The following OR6B1 variants were observed in gnomAD, a reference collection of about 807,000 sequenced individuals.
OR6B1 encodes olfactory receptor family 6 subfamily B member 1, also known as olfactory receptor 6B1.
A neutral mutation model predicts 15.4 loss-of-function variants in OR6B1; 15 were observed. The ratio of observed to expected loss-of-function variants is 0.97; its 90% CI spans 0.65 to 1.50. The LOEUF is 1.50. Among genes scored for constraint, OR6B1 ranks in the 40% most tolerant of loss-of-function variants. The probability of loss-of-function intolerance (pLI) is 0.00; values close to 1 mark genes in which losing one functional copy is unlikely to be tolerated. For synonymous variants in OR6B1, 139 were observed against 144.9 expected (o/e 0.96, Z 0.29); for missense variants, 384 against 385.0 (o/e 1.00, Z 0.02).
rs956299881 is a variant in OR6B1, at chr7:144,008,430, A to G, written c.*3498A>G. On this transcript the variant is annotated 3_prime_UTR_variant, in exon 2 of 2. Transcript: ENST00000641698. ...GTCTTGTGTAGTATGTTTGAGGGAC[A>G]TTGAAGAGACTGAGCAGCCAGAGCA... 6.6e-6 allele frequency: 1 copy of G among 152,292 alleles called. No homozygotes were observed. The highest frequency in any genetic ancestry group is 1.5e-5 in the Non-Finnish European group (1 of 68,126). The allele number at this position is 152,292 out of a possible 1,614,324, so 9.4% of individuals were successfully genotyped here.
chr7:144,002,737 G>A (rs1043084672), intron 1 of OR6B1, among the ~76,000 whole-genome samples: 1 of 152,042 alleles, frequency 6.6e-6, no homozygotes, highest in African/African-American at 2.4e-5. Context: ...GTTTCCGACT[G>A]CTTTTAGACC....
chr7:144,002,371 A>G (rs1000460420), intron 1 of OR6B1, among the ~76,000 whole-genome samples: 2 of 152,250 alleles, frequency 1.3e-5, no homozygotes, highest in African/African-American at 2.4e-5. Flanking sequence ...TAAGACAGTT[A>G]GTAAAGATAG....
In OR6B1 at chr7:144,004,868, GA is replaced by G; in HGVS notation, c.875del (p.Asn292ThrfsTer8). ...CTCAACCCTTTCATTTATTGCCTAA[GA>G]AACCGAGAGGTCAAGGAAGCTCTGA... ...PSLNPFIYCL[R>X]NREVKEALKK... is the part of the protein sequence containing the mutation. On this transcript the variant is annotated frameshift_variant, in exon 2 of 2. Transcript: ENST00000641698. LOFTEE classifies it high-confidence loss of function. 6.2e-7 allele frequency: 1 copy of G among 1,612,304 alleles called. No homozygotes were observed. Among genetic ancestry groups the G allele is most frequent in the African/African-American group, 1.3e-5 (1 of 75,032 alleles).
At chr7:144,003,115 G>T (rs16882606) in intron 1 of OR6B1, among the ~76,000 whole-genome samples, 6,738 of 152,200 alleles carry the variant, frequency 0.044, 479 homozygotes, top group African/African-American at 0.15. Context: ...CCCTGAATGA[G>T]CCCATGTTTA....
chr7:144,004,815 C>T lies in OR6B1; in HGVS notation c.819C>T (p.Ser273=). The T allele has an allele frequency of 3.7e-6, 6 of 1,613,854 alleles. No homozygotes were observed. Among genetic ancestry groups the T allele is most frequent in the Non-Finnish European group, 5.1e-6 (6 of 1,179,912 alleles). Residue 273 remains serine, a synonymous_variant, in exon 2 of 2, where the codon TCC becomes TCT. Transcript: ENST00000641698. The stretch of plus-strand genomic sequence containing the variant: ...CCTTCAACATGAACAAAATTATTTC[C>T]ATCTTCTATGCCATTGTCACTCCTT... ...IHAFNMNKII[S]IFYAIVTPSL... is the part of the protein sequence containing the mutation.
At position 144,004,972 on chromosome 7, in the gene OR6B1, C is replaced by A; in HGVS notation, c.*40C>A. On this transcript the variant is annotated 3_prime_UTR_variant, in exon 2 of 2. Transcript: ENST00000641698. ...TTAGAAAGAAAGGTCTGAGTGGGTG[C>A]CTGTATGTCTTCCTCCATCCTTTCT... The A allele has an allele frequency of 7.1e-7, 1 of 1,412,106 alleles. No homozygotes were observed. The highest frequency in any genetic ancestry group is 9.6e-7 in the Non-Finnish European group (1 of 1,041,946). The allele number at this position is 1,412,106 out of a possible 1,614,324, so 87.5% of individuals were successfully genotyped here.
Position 144,007,929 on chromosome 7 carries a change from A to G in OR6B1, c.*2997A>G, listed in dbSNP as rs1245882361. On this transcript the variant is annotated 3_prime_UTR_variant, in exon 2 of 2. Coordinates refer to ENST00000641698, the MANE Select transcript of OR6B1 (RefSeq NM_001005281.3). ...TTATATGAGAGAGAAGAGAAAACAG[A>G]GAAGGTGATGTGAAGGTAGAGATAG... 1 of 152,152 alleles carries G rather than the reference A, an allele frequency of 6.6e-6. No individual in the cohort carries two copies. Among genetic ancestry groups the G allele is most frequent in the Non-Finnish European group, 1.5e-5 (1 of 68,028 alleles). 9.4% of individuals were successfully genotyped at this position (152,152 alleles called of 1,614,324 possible). A position where few individuals can be genotyped will look rare whatever the true frequency, so the allele number is the denominator to read the frequency against.
chr7:144,006,842 A>G lies in OR6B1; in HGVS notation c.*1910A>G, dbSNP rs1402822849. On this transcript the variant is annotated 3_prime_UTR_variant, in exon 2 of 2. Transcript: ENST00000641698. ...GAGTCTTTATGTGTAAAACAGGAGT[A>G]ATAATAGTTGCTTGGTGTTTCTTAC... 2.0e-5 allele frequency: 3 copies of G among 152,232 alleles called. No homozygotes were observed. Among genetic ancestry groups the G allele is most frequent in the African/African-American group, 7.2e-5 (3 of 41,460 alleles). 9.4% of individuals were successfully genotyped at this position (152,232 alleles called of 1,614,324 possible).
At chr7:144,002,751 G>A (rs564301815) in intron 1 of OR6B1, among the ~76,000 whole-genome samples, 118 of 152,152 alleles carry the variant, frequency 7.8e-4, no homozygotes, top group Middle Eastern at 3.4e-3. Context: ...TTAGACCACT[G>A]TTCAGATCCC....
Position 144,004,848 on chromosome 7 carries a change from C to G in OR6B1, c.852C>G (p.Asn284Lys), listed in dbSNP as rs779810492. The change falls in exon 2 of 2, where the codon AAC becomes AAG. Residue 284 changes from asparagine (N) to lysine (K), a missense_variant. Asn to Lys is a moderately conservative substitution (Grantham distance 94). Transcript: ENST00000641698. ...IFYAIVTPSL[N>K]PFIYCLRNRE... ...ATGCCATTGTCACTCCTTCTCTCAA[C>G]CCTTTCATTTATTGCCTAAGAAACC... 8 of 1,613,440 alleles carry G rather than the reference C, an allele frequency of 5.0e-6. No homozygotes were observed. Among genetic ancestry groups the G allele is most frequent in the Non-Finnish European group, 6.8e-6 (8 of 1,180,036 alleles).
At chr7:144,003,385 C>A (rs1426098941) in intron 1 of OR6B1, among the ~76,000 whole-genome samples, 1 of 152,096 alleles carries the variant, frequency 6.6e-6, no homozygotes, top group Admixed American at 6.5e-5. Context: ...CATAGCAAAT[C>A]GGTGGCAGAC....
At chr7:144,002,471 ATTTC>A (rs1386224971) in intron 1 of OR6B1, among the ~76,000 whole-genome samples, 1 of 152,120 alleles carries the variant, frequency 6.6e-6, no homozygotes, top group African/African-American at 2.4e-5. Flanking sequence ...TTCCTCCGTG[ATTTC>A]TTTCTTTCTC....
intron 1 of OR6B1, among the ~76,000 whole-genome samples, chr7:144,003,659 G>A (rs80046199): frequency 0.019 from 2,921 of 152,130 alleles, 113 homozygotes; most frequent in African/African-American, 0.066. Context: ...TAGAAGGAGC[G>A]TGGGCTTTAG....
At chr7:144,003,816 T>A (rs981158738) in intron 1 of OR6B1, 156 bp from the exon 2 acceptor site, 1 of 535,674 alleles carries the variant, frequency 1.9e-6, no homozygotes, top group Non-Finnish European at 3.3e-6. Context: ...CACACGGCTA[T>A]GTGGAAATTA....
At chr7:144,001,350 G>A (rs969193016) in intron 1 of OR6B1, among the ~76,000 whole-genome samples, 30 of 152,204 alleles carry the variant, frequency 2.0e-4, no homozygotes, top group African/African-American at 4.8e-5. Context: ...TTTTCTTGTA[G>A]AGCTTCCTCT....
Position 144,008,327 on chromosome 7 carries a change from A to G in OR6B1, c.*3395A>G, listed in dbSNP as rs530325703. 4.6e-5 allele frequency: 7 copies of G among 152,382 alleles called. No individual in the cohort carries two copies. Among genetic ancestry groups the G allele is most frequent in the African/African-American group, 1.7e-4 (7 of 41,568 alleles). 9.4% of individuals were successfully genotyped at this position (152,382 alleles called of 1,614,324 possible). A position where few individuals can be genotyped will look rare whatever the true frequency, so the allele number is the denominator to read the frequency against. On this transcript the variant is annotated 3_prime_UTR_variant, in exon 2 of 2. Coordinates refer to ENST00000641698, the MANE Select transcript of OR6B1 (RefSeq NM_001005281.3). The stretch of plus-strand genomic sequence containing the variant: ...AAGAAATGTTTGAGCAAAAACCTGG[A>G]GAAGCTGTGAGAGTAAGATATATGG...
chr7:144,003,772 A>C (rs1414371029), intron 1 of OR6B1, among the ~76,000 whole-genome samples, 200 bp from the exon 2 acceptor site: 2 of 64,878 alleles, frequency 3.1e-5, no homozygotes, highest in African/African-American at 1.8e-4. Flanking sequence ...AACAGATACA[A>C]TCACACACAC....
rs1302693534 is a variant in OR6B1 at position 144,005,177 on chromosome 7, A to T, written c.*245A>T. On this transcript the variant is annotated 3_prime_UTR_variant, in exon 2 of 2. Coordinates refer to ENST00000641698, the MANE Select transcript of OR6B1 (RefSeq NM_001005281.3). ...TGTGACCCCAAATGGGGTTTCTAAG[A>T]CTGTGAGTAAATTTATAACTGAGTT... 4 of 421,644 alleles carry T rather than the reference A, an allele frequency of 9.5e-6. No homozygotes were observed. The highest frequency in any genetic ancestry group is 8.0e-5 in the African/African-American group (4 of 49,840). 26.1% of individuals were successfully genotyped at this position (421,644 alleles called of 1,614,324 possible).
Position 144,004,197 on chromosome 7 carries a change from CT to C in OR6B1, c.203del (p.Phe68SerfsTer9). The stretch of plus-strand genomic sequence containing the variant: ...TGTACTTCTTCCTGGCCAACCTGTC[CT>C]TCTTGGAGACCTGGTACATCTCTGT... ...PMYFFLANLSFLETWYISVTV... is the reference protein window; with the variant it reads ...PMYFFLANLSXLETWYISVTV... On this transcript the variant is annotated frameshift_variant, in exon 2 of 2. Transcript: ENST00000641698. LOFTEE classifies it high-confidence loss of function. 6.2e-7 allele frequency: 1 copy of C among 1,614,166 alleles called. No homozygotes were observed.
Sources: gnomAD v4.1 joint callset for allele counts (sites outside exome capture counted in the v4.1 genomes callset) on GRCh38, gnomAD v4.1.1 for gene constraint, MANE v1.5 for transcripts, NCBI Gene and HGNC (gene_info 2026-07-23, HGNC 2026-07-21) for gene names.